SLC19A3: variants seen among roughly 807,000 people sequenced by gnomAD.
SLC19A3 encodes thiamine transporter 2.
A neutral mutation model predicts 40.2 loss-of-function variants in SLC19A3; 31 were observed. The ratio of observed to expected loss-of-function variants is 0.77; its 90% CI spans 0.58 to 1.04. SLC19A3 has a LOEUF of 1.04. Among genes scored for constraint, SLC19A3 ranks in the 50% least tolerant of loss-of-function variants. The pLI, the probability that SLC19A3 is intolerant of heterozygous loss-of-function variation, is 0.00. For missense variants in SLC19A3, 592 were observed against 596.7 expected (o/e 0.99, Z 0.08); for synonymous variants, 212 against 227.5 (o/e 0.93, Z 0.61).
intron 1 of SLC19A3, among the ~76,000 whole-genome samples, chr2:227,711,029 A>G (rs1183158446): frequency 6.6e-6 from 1 of 152,232 alleles, no homozygotes; most frequent in Non-Finnish European, 1.5e-5. Flanking sequence ...AAAGGGCTGC[A>G]GTCAGCTTAA....
At position 227,687,308 on chromosome 2, in the gene SLC19A3, G is replaced by T; in HGVS notation, c.*89C>A. On this transcript the variant is annotated 3_prime_UTR_variant, in exon 6 of 6. Coordinates refer to ENST00000644224, the MANE Select transcript of SLC19A3 (RefSeq NM_025243.4). ...AATCCAGATTTGCAAAGCATGTCAAGTTATGGCAAAACATATGCCACCCAT... is the reference window on the plus strand; with the variant it reads ...AATCCAGATTTGCAAAGCATGTCAATTTATGGCAAAACATATGCCACCCAT... 7.3e-7 allele frequency: 1 copy of T among 1,362,020 alleles called. No homozygotes were observed. The highest frequency in any genetic ancestry group is 1.0e-6 in the Non-Finnish European group (1 of 991,090). 84.4% of individuals were successfully genotyped at this position (1,362,020 alleles called of 1,614,324 possible). A position where few individuals can be genotyped will look rare whatever the true frequency, so the allele number is the denominator to read the frequency against.
chr2:227,698,845 T>C lies in SLC19A3; in HGVS notation c.870A>G (p.Ala290=), dbSNP rs141190841. 41 of 1,614,080 alleles carry C rather than the reference T, an allele frequency of 2.5e-5. No homozygotes were observed. The African/African-American group carries it at 5.1e-4, about 20-fold the overall frequency. Residue 290 remains alanine, a synonymous_variant, in exon 3 of 6, where the codon GCA becomes GCG. Coordinates refer to ENST00000644224, the MANE Select transcript of SLC19A3 (RefSeq NM_025243.4). ...YWSLWWAFAT[A]GFNQVLNYVQ... ...CATAGTTCAAAACCTGGTTAAAACC[T>C]GCTGTGGCGAAAGCCCACCATAGAG... is the stretch of plus-strand genomic sequence containing the variant.
At chr2:227,701,931 T>C (rs1365041649) in intron 2 of SLC19A3, 2 of 477,408 alleles carry the variant, frequency 4.2e-6, no homozygotes, top group East Asian at 7.9e-5. Flanking sequence ...ACACAAATGT[T>C]AGGACTCTAT....
rs376187918 is a variant in SLC19A3 at position 227,699,325 on chromosome 2, C to A, written c.390G>T (p.Val130=). The A allele has an allele frequency of 3.4e-4, 551 of 1,614,020 alleles. 2 individuals carry two copies. Among genetic ancestry groups the A allele is most frequent in the South Asian group, 1.5e-3 (140 of 91,088 alleles). Residue 130 remains valine (V), a synonymous_variant, in exon 3 of 6, where the codon GTG becomes GTT. Coordinates refer to ENST00000644224, the MANE Select transcript of SLC19A3 (RefSeq NM_025243.4). ...CTCTCTGGTAGTGCTCGGGGCTGAC[C>A]ACGCTGTATATGTAGGCGTAGTAGG... The part of the protein sequence containing the change: ...EVAYYAYIYS[V]VSPEHYQRVS...
chr2:227,716,802 G>A (rs1172156053), intron 1 of SLC19A3, among the ~76,000 whole-genome samples: 1 of 151,962 alleles, frequency 6.6e-6, no homozygotes, highest in African/African-American at 2.4e-5. Flanking sequence ...AGTGTTGTTG[G>A]TCTATTAGCA....
At chr2:227,687,796 G>T (rs987651231) in intron 5 of SLC19A3, among the ~76,000 whole-genome samples, 7 of 152,058 alleles carry the variant, frequency 4.6e-5, no homozygotes, top group Non-Finnish European at 1.0e-4. Context: ...TTTAGAGCAG[G>T]TTGCTTGGGT....
At chr2:227,702,654 C>G in intron 1 of SLC19A3, 1 of 321,288 alleles carries the variant, frequency 3.1e-6, no homozygotes, top group Non-Finnish European at 6.0e-6. Context: ...GAAATGCAAG[C>G]TTTAGACATA....
Position 227,702,497 on chromosome 2 carries a change from C to T in SLC19A3, c.-2-177G>A, listed in dbSNP as rs976595118. 4 of 605,724 alleles carry T rather than the reference C, an allele frequency of 6.6e-6. No homozygotes were observed. In the African/African-American group the frequency reaches 7.4e-5, roughly 11 times the overall value. 37.5% of individuals were successfully genotyped at this position (605,724 alleles called of 1,614,324 possible). A position where few individuals can be genotyped will look rare whatever the true frequency, so the allele number is the denominator to read the frequency against. On this transcript the variant is annotated intron_variant, in intron 1 of 5. Transcript: ENST00000644224. The stretch of plus-strand genomic sequence containing the variant: ...CAACCTGTGCCTCCCGGGCTCAAGC[C>T]ATTCTCCTGCCTCAGCCTCCCAAGT...
chr2:227,699,642 G>T (rs1695598929), intron 2 of SLC19A3, 78 bp from the exon 3 acceptor site: 1 of 1,191,578 alleles, frequency 8.4e-7, no homozygotes, highest in Non-Finnish European at 1.2e-6. Flanking sequence ...CTCAAATTCT[G>T]CCTCCAATTG....
intron 4 of SLC19A3, among the ~76,000 whole-genome samples, chr2:227,694,822 A>C (rs570719599): frequency 2.6e-4 from 39 of 152,256 alleles, no homozygotes; most frequent in Non-Finnish European, 5.0e-4. Context: ...TGGGAAGCTG[A>C]GGCCAGAGGA....
At chr2:227,704,310 C>T (rs1195814690) in intron 1 of SLC19A3, among the ~76,000 whole-genome samples, 1 of 152,212 alleles carries the variant, frequency 6.6e-6, no homozygotes, top group East Asian at 1.9e-4. Context: ...TTCCTAGCTG[C>T]ATGCCTTACA....
At chr2:227,690,693 C>A (rs1485505661) in intron 4 of SLC19A3, among the ~76,000 whole-genome samples, 5 of 101,956 alleles carry the variant, frequency 4.9e-5, no homozygotes, top group African/African-American at 2.4e-4. Flanking sequence ...GGTGACAGAC[C>A]GAGACTCCAT....
chr2:227,714,366 G>T, intron 1 of SLC19A3: 1 of 935,028 alleles, frequency 1.1e-6, no homozygotes, highest in Non-Finnish European at 1.3e-6. Context: ...AACCTTGTAA[G>T]TCTGGCCACA....
At chr2:227,700,749 T>A (rs1445740438) in intron 2 of SLC19A3, among the ~76,000 whole-genome samples, 1 of 152,178 alleles carries the variant, frequency 6.6e-6, no homozygotes, top group Non-Finnish European at 1.5e-5. Flanking sequence ...CTGCTCCCCC[T>A]AACAATTCTG....
At chr2:227,705,851 C>A (rs186430286) in intron 1 of SLC19A3, among the ~76,000 whole-genome samples, 52 of 152,100 alleles carry the variant, frequency 3.4e-4, no homozygotes, top group African/African-American at 1.2e-3. Context: ...TGCACATGTA[C>A]CCCAGAACTT....
Position 227,684,797 on chromosome 2 carries a change from A to G in SLC19A3, c.*2600T>C, listed in dbSNP as rs1306586951. On this transcript the variant is annotated 3_prime_UTR_variant, in exon 6 of 6. Coordinates refer to ENST00000644224, the MANE Select transcript of SLC19A3 (RefSeq NM_025243.4). Reference sequence around the variant, plus strand: ...CAGGAGTTTGAAACCAGCCTGACCAACATGGTGAAACCCCGTCTCTACTAA... The same window carrying G: ...CAGGAGTTTGAAACCAGCCTGACCAGCATGGTGAAACCCCGTCTCTACTAA... 6.6e-6 allele frequency: 1 copy of G among 151,924 alleles called. No homozygotes were observed. The highest frequency in any genetic ancestry group is 1.5e-5 in the Non-Finnish European group (1 of 68,014). The allele number at this position is 151,924 out of a possible 1,614,324, so 9.4% of individuals were successfully genotyped here. A position where few individuals can be genotyped will look rare whatever the true frequency, so the allele number is the denominator to read the frequency against.
chr2:227,710,903 CA>C (rs771198972), intron 1 of SLC19A3, among the ~76,000 whole-genome samples: 2 of 152,122 alleles, frequency 1.3e-5, no homozygotes, highest in Non-Finnish European at 2.9e-5. Context: ...TTACTAAAAA[CA>C]AAAATATTTG....
Position 227,684,708 on chromosome 2 carries a change from T to C in SLC19A3, c.*2689A>G, listed in dbSNP as rs1449364925. ...AAAAAGAAGGATAATAGACTGGGTGTGAGGTGGCTGAAGCCTGTAATCCCA... is the reference window on the plus strand; with the variant it reads ...AAAAAGAAGGATAATAGACTGGGTGCGAGGTGGCTGAAGCCTGTAATCCCA... On this transcript the variant is annotated 3_prime_UTR_variant, in exon 6 of 6. Transcript: ENST00000644224. The C allele has an allele frequency of 6.6e-6, 1 of 151,326 alleles. No individual in the cohort carries two copies. The highest frequency in any genetic ancestry group is 1.5e-5 in the Non-Finnish European group (1 of 67,878). 9.4% of individuals were successfully genotyped at this position (151,326 alleles called of 1,614,324 possible). A position where few individuals can be genotyped will look rare whatever the true frequency, so the allele number is the denominator to read the frequency against.
chr2:227,689,936 A>G (rs1410436416), intron 4 of SLC19A3, among the ~76,000 whole-genome samples: 1 of 152,244 alleles, frequency 6.6e-6, no homozygotes, highest in African/African-American at 2.4e-5. Context: ...AGTTGTTATC[A>G]GCTTAAAATA....
Sources: gnomAD v4.1 joint callset for allele counts (sites outside exome capture counted in the v4.1 genomes callset) on GRCh38, gnomAD v4.1.1 for gene constraint, MANE v1.5 for transcripts, NCBI Gene and HGNC (gene_info 2026-07-23, HGNC 2026-07-21) for gene names.